Variants in ACSS3 observed in about 807,000 individuals in gnomAD.
ACSS3 encodes acyl-CoA synthetase short chain family member 3.
ACSS3 carries 64 observed loss-of-function variants against 84.2 expected under a neutral mutation model. The observed-to-expected ratio is 0.76, with a 90% CI of 0.62 to 0.94. The LOEUF is 0.94. Among genes scored for constraint, ACSS3 ranks in the 40% least tolerant of loss-of-function variants. The pLI is 0.00. For missense variants in ACSS3, 815 were observed against 867.6 expected, an observed-to-expected ratio of 0.94 and a Z score of 0.76; for synonymous variants, 317 against 310.1, an observed-to-expected ratio of 1.02 and a Z score of -0.23.
intron 8 of ACSS3, among the ~76,000 whole-genome samples, chr12:81,191,170 C>A (rs908645240): frequency 1.3e-5 from 2 of 151,946 alleles, no homozygotes; most frequent in African/African-American, 2.4e-5. Flanking sequence ...AATTGATGAA[C>A]CTATATTGAT....
intron 7 of ACSS3, among the ~76,000 whole-genome samples, chr12:81,167,822 G>T (rs2135801105): frequency 6.6e-6 from 1 of 152,268 alleles, no homozygotes; most frequent in African/African-American, 2.4e-5. Flanking sequence ...ATAGATATTT[G>T]TGTCTTGGAG....
rs751086812 is a variant in ACSS3 at position 81,174,780 on chromosome 12, C to T, written c.1099-8C>T. 1.9e-6 allele frequency: 3 copies of T among 1,609,900 alleles called. No homozygotes were observed. The highest frequency in any genetic ancestry group is 2.5e-6 in the Non-Finnish European group (3 of 1,177,370). On this transcript the variant is annotated splice_polypyrimidine_tract_variant and splice_region_variant and intron_variant, in intron 7 of 15. Coordinates refer to ENST00000548058, the MANE Select transcript of ACSS3 (RefSeq NM_024560.4). ...ATCCAGTGACATTTTAAATGAATCT[C>T]ATTGTAGGGGAAGCCTGTGGGAACA...
At chr12:81,175,303 G>A (rs2030392610) in intron 8 of ACSS3, among the ~76,000 whole-genome samples, 1 of 152,142 alleles carries the variant, frequency 6.6e-6, no homozygotes, top group South Asian at 2.1e-4. Context: ...TGGGTTAAAT[G>A]AAGGGGCAAT....
rs567879919 is a variant in ACSS3 at position 81,181,492 on chromosome 12, G to A, written c.1250+6553G>A. Reference sequence around the variant, plus strand: ...AATACCAGAAACATGAAAATGCAAGGGAACATGATGCCACCAAGGGAACAT... The same window carrying A: ...AATACCAGAAACATGAAAATGCAAGAGAACATGATGCCACCAAGGGAACAT... On this transcript the variant is annotated intron_variant, in intron 8 of 15. Coordinates refer to ENST00000548058, the MANE Select transcript of ACSS3 (RefSeq NM_024560.4). Among the ~76,000 whole-genome samples, 5 of 152,130 alleles carry A rather than the reference G, an allele frequency of 3.3e-5. No homozygotes were observed. The South Asian group carries it at 1.0e-3, about 32-fold the overall frequency.
intron 1 of ACSS3, among the ~76,000 whole-genome samples, chr12:81,098,952 A>G (rs1361573546): frequency 6.6e-6 from 1 of 152,196 alleles, no homozygotes; most frequent in East Asian, 1.9e-4. Context: ...AGAGTGGAGA[A>G]CATGTTCCCA....
At chr12:81,099,379 G>A (rs1010147329) in intron 1 of ACSS3, among the ~76,000 whole-genome samples, 1 of 152,110 alleles carries the variant, frequency 6.6e-6, no homozygotes, top group African/African-American at 2.4e-5. Context: ...GAACTTTTCA[G>A]TTATTTAATA....
Position 81,247,589 on chromosome 12 carries a change from A to G in ACSS3, c.1720-5718A>G, listed in dbSNP as rs528200268. On this transcript the variant is annotated intron_variant, in intron 13 of 15. Transcript: ENST00000548058. ...TAAATCTTTAAGTTAACTTCTCTCT[A>G]TATATGAATTAAATGACTAAGTTTT... is the stretch of plus-strand genomic sequence containing the variant. 4.6e-5 allele frequency among the ~76,000 whole-genome samples: 7 copies of G among 152,198 alleles called. 1 individual carries two copies. Among genetic ancestry groups the G allele is most frequent in the African/African-American group, 1.7e-4 (7 of 41,552 alleles).
intron 8 of ACSS3, among the ~76,000 whole-genome samples, chr12:81,177,105 A>G (rs1006510994): frequency 1.3e-5 from 2 of 152,194 alleles, no homozygotes; most frequent in Admixed American, 6.5e-5. Flanking sequence ...TGACATAAAT[A>G]AAATTTAGTA....
chr12:81,141,983 G>A (rs974067855), intron 4 of ACSS3, among the ~76,000 whole-genome samples: 1 of 152,024 alleles, frequency 6.6e-6, no homozygotes, highest in Non-Finnish European at 1.5e-5. Flanking sequence ...ATTCATACAG[G>A]CATCATATTT....
chr12:81,168,026 T>C (rs1484944448), intron 7 of ACSS3, among the ~76,000 whole-genome samples: 1 of 152,222 alleles, frequency 6.6e-6, no homozygotes, highest in African/African-American at 2.4e-5. Context: ...TGCTGATATT[T>C]GCTTTGACTT....
chr12:81,131,005 G>C (rs548136891), intron 2 of ACSS3, among the ~76,000 whole-genome samples: 144 of 152,290 alleles, frequency 9.5e-4, no homozygotes, highest in Admixed American at 1.6e-3. Flanking sequence ...TTTGGTACCA[G>C]TACCATGCTG....
chr12:81,234,712 G>A (rs2135976508), intron 13 of ACSS3, among the ~76,000 whole-genome samples: 1 of 151,310 alleles, frequency 6.6e-6, no homozygotes, highest in African/African-American at 2.4e-5. Flanking sequence ...TGAGGTATCT[G>A]TTAAAATCTT....
chr12:81,230,282 A>G (rs957848970), intron 11 of ACSS3, among the ~76,000 whole-genome samples: 2 of 151,888 alleles, frequency 1.3e-5, no homozygotes, highest in East Asian at 3.9e-4. Flanking sequence ...GGCACTTCCT[A>G]CAAGGAACAA....
chr12:81,180,533 C>T (rs2030851674), intron 8 of ACSS3, among the ~76,000 whole-genome samples: 1 of 151,954 alleles, frequency 6.6e-6, no homozygotes, highest in Non-Finnish European at 1.5e-5. Context: ...ATTTTTAAAT[C>T]GAGACAGAGT....
intron 1 of ACSS3, among the ~76,000 whole-genome samples, chr12:81,098,151 A>AGAGAGT (rs369995298): frequency 3.4e-3 from 445 of 129,252 alleles, no homozygotes; most frequent in East Asian, 0.016. Flanking sequence ...AGAGAGAGAG[A>AGAGAGT]GTGTGTGTGT....
intron 13 of ACSS3, among the ~76,000 whole-genome samples, chr12:81,240,018 G>A (rs567992026): frequency 1.3e-5 from 2 of 152,014 alleles, no homozygotes; most frequent in African/African-American, 4.8e-5. Flanking sequence ...TTTGAGTGTG[G>A]ACTTTTTTTT....
intron 7 of ACSS3, among the ~76,000 whole-genome samples, chr12:81,172,591 G>T (rs1003558459): frequency 6.6e-6 from 1 of 151,214 alleles, no homozygotes; most frequent in African/African-American, 2.4e-5. Flanking sequence ...AGCCAAGATT[G>T]CACCACTGCA....
chr12:81,180,880 A>G (rs1411135828), intron 8 of ACSS3, among the ~76,000 whole-genome samples: 4 of 152,184 alleles, frequency 2.6e-5, no homozygotes, highest in African/African-American at 9.6e-5. Flanking sequence ...TTGCATCTTC[A>G]AGGAGAATGC....
intron 8 of ACSS3, among the ~76,000 whole-genome samples, chr12:81,178,970 A>G (rs1430822211): frequency 6.6e-6 from 1 of 152,146 alleles, no homozygotes; most frequent in Non-Finnish European, 1.5e-5. Flanking sequence ...GGAACAGGTT[A>G]GAGAACCCAG....
Sources: allele counts gnomAD v4.1 joint callset (sites outside exome capture counted in the v4.1 genomes callset), GRCh38; gene constraint gnomAD v4.1.1; transcripts MANE v1.5; gene names NCBI Gene and HGNC (gene_info 2026-07-23, HGNC 2026-07-21).